ZNF577: variants seen among roughly 807,000 people sequenced by gnomAD.
ZNF577 encodes zinc finger protein 577.
A neutral mutation model predicts 13.9 loss-of-function variants in ZNF577; 14 were observed. The ratio of observed to expected loss-of-function variants is 1.00; its 90% CI spans 0.66 to 1.57. The LOEUF is 1.57. Among genes scored for constraint, ZNF577 ranks in the 40% most tolerant of loss-of-function variants. The probability of loss-of-function intolerance (pLI) is 0.00; values close to 1 mark genes in which losing one functional copy is unlikely to be tolerated. For synonymous variants in ZNF577, 203 were observed against 202.9 expected, an observed-to-expected ratio of 1.00 and a Z score of 0.00; for missense variants, 555 against 579.2, an observed-to-expected ratio of 0.96 and a Z score of 0.43.
rs369768303 is a variant in ZNF577, at chr19:51,857,365, GGAAAGAAAGAAAGAAAGAAA to G, written c.284-12454_284-12435del. On this transcript the variant is annotated intron_variant and NMD_transcript_variant, in intron 5 of 10. Transcript: ENST00000638827. ...AAGAAAGAGAGAAAGAAAGAAGGAA[GGAAAGAAAGAAAGAAAGAAA>G]GAAAGAAAGAAAGAAAGAAAGAAAG... Among the ~76,000 whole-genome samples, 254 of 93,348 alleles carry G rather than the reference GGAAAGAAAGAAAGAAAGAAA, an allele frequency of 2.7e-3. 1 individual carries two copies. The highest frequency in any genetic ancestry group is 8.4e-3 in the South Asian group (20 of 2,392). 61.2% of individuals were successfully genotyped at this position (93,348 alleles called of 152,430 possible). A position where few individuals can be genotyped will look rare whatever the true frequency, so the allele number is the denominator to read the frequency against.
intron 9 of ZNF577, chr19:51,825,008 C>A: frequency 1.7e-6 from 1 of 575,498 alleles, no homozygotes; most frequent in Non-Finnish European, 3.2e-6. Flanking sequence ...AATTAAATTC[C>A]AACACTATCT....
intron 4 of ZNF577, 63 bp from the exon 5 acceptor site, chr19:51,877,440 G>T: frequency 1.5e-6 from 2 of 1,356,314 alleles, no homozygotes; most frequent in Non-Finnish European, 2.1e-6. Context: ...AAGATGGAGA[G>T]GGTTATGTCT....
At chr19:51,808,065 T>C (rs766213827) in intron 10 of ZNF577, among the ~76,000 whole-genome samples, 2 of 152,232 alleles carry the variant, frequency 1.3e-5, no homozygotes, top group Non-Finnish European at 2.9e-5. Context: ...CCATGAGGCA[T>C]GTCTCTGCTG....
intron 5 of ZNF577, among the ~76,000 whole-genome samples, chr19:51,858,982 C>T (rs1209891360): frequency 6.6e-6 from 1 of 152,278 alleles, no homozygotes; most frequent in African/African-American, 2.4e-5. Flanking sequence ...ATACATACTA[C>T]GCAGATAGAT....
rs751232642 is a variant in ZNF577 at position 51,880,348 on chromosome 19, C to T, written c.35G>A (p.Arg12Lys). The change falls in exon 3 of 6, where the codon AGA becomes AAA. Residue 12 changes from arginine to lysine, a missense_variant. By Grantham distance (26) the Arg-to-Lys change is conservative. Transcript: ENST00000638348. ...KNATIVMSVR[R>K]EQGSSSGEGS... is the part of the protein sequence containing the mutation. ...CTCCCCTGAAGAACTGCCTTGCTCT[C>T]TCCTCACAGACATTACAATCGTGGC... 1.6e-5 allele frequency: 26 copies of T among 1,614,052 alleles called. No homozygotes were observed. In the East Asian group the frequency reaches 2.2e-4, roughly 14 times the overall value.
chr19:51,817,631 T>C (rs1030334956), intron 9 of ZNF577: 3 of 152,192 alleles, frequency 2.0e-5, no homozygotes, highest in African/African-American at 4.8e-5. Flanking sequence ...CCTCTCCCTA[T>C]AAAATCAAAC....
At chr19:51,884,427 G>A (rs1402414295) in intron 1 of ZNF577, among the ~76,000 whole-genome samples, 20 of 152,104 alleles carry the variant, frequency 1.3e-4, no homozygotes, top group Admixed American at 1.3e-3. Context: ...TATGACAGAT[G>A]AATATGAATT....
rs537008039 is a variant in ZNF577 at position 51,851,668 on chromosome 19, T to G, written c.284-6737A>C. Among the ~76,000 whole-genome samples, 6 of 152,028 alleles carry G rather than the reference T, an allele frequency of 3.9e-5. No individual in the cohort carries two copies. In the East Asian group the frequency reaches 1.2e-3, roughly 29 times the overall value. On this transcript the variant is annotated intron_variant and NMD_transcript_variant, in intron 5 of 10. Transcript: ENST00000638827. The stretch of plus-strand genomic sequence containing the variant: ...ATTTCACACAGACCCTAACACAGAC[T>G]CTTCAACTCCTCAAACCCAAAATAC...
chr19:51,845,068 A>G (rs1225201651), intron 5 of ZNF577: 2 of 152,250 alleles, frequency 1.3e-5, no homozygotes, highest in African/African-American at 2.4e-5. Context: ...TATCAGTACA[A>G]TACGTTGTTT....
rs1428056327 is a variant in ZNF577 at position 51,887,587 on chromosome 19, C to A, written c.-985G>T. On this transcript the variant is annotated 5_prime_UTR_variant, in exon 1 of 6. Coordinates refer to ENST00000638348, the MANE Select transcript of ZNF577 (RefSeq NM_001370449.1). Reference sequence around the variant, plus strand: ...TGCCCAGAGCAGTCTCCAACACTGACACGATTCGCTTCCCCACCACGACGC... The same window carrying A: ...TGCCCAGAGCAGTCTCCAACACTGAAACGATTCGCTTCCCCACCACGACGC... 6.6e-6 allele frequency: 1 copy of A among 152,168 alleles called. No homozygotes were observed. Among genetic ancestry groups the A allele is most frequent in the African/African-American group, 2.4e-5 (1 of 41,414 alleles). The allele number at this position is 152,168 out of a possible 1,614,324, so 9.4% of individuals were successfully genotyped here. A position where few individuals can be genotyped will look rare whatever the true frequency, so the allele number is the denominator to read the frequency against.
intron 5 of ZNF577, among the ~76,000 whole-genome samples, chr19:51,855,497 C>G (rs2084409855): frequency 6.6e-6 from 1 of 151,874 alleles, no homozygotes; most frequent in East Asian, 1.9e-4. Context: ...AAGTGAACTA[C>G]TGGTACCCTC....
At chr19:51,826,515 G>C (rs2084232850) in intron 9 of ZNF577, among the ~76,000 whole-genome samples, 1 of 152,056 alleles carries the variant, frequency 6.6e-6, no homozygotes, top group African/African-American at 2.4e-5. Flanking sequence ...TTCACTTTTG[G>C]TAAACTGTGA....
chr19:51,880,346 C>T lies in ZNF577; in HGVS notation c.37G>A (p.Glu13Lys). 6.2e-7 allele frequency: 1 copy of T among 1,614,174 alleles called. No individual in the cohort carries two copies. Among genetic ancestry groups the T allele is most frequent in the Non-Finnish European group, 8.5e-7 (1 of 1,180,034 alleles). ...NATIVMSVRR[E>K]QGSSSGEGSL... ...ACCTCCCCTGAAGAACTGCCTTGCTCTCTCCTCACAGACATTACAATCGTG... is the reference window on the plus strand; with the variant it reads ...ACCTCCCCTGAAGAACTGCCTTGCTTTCTCCTCACAGACATTACAATCGTG... The change falls in exon 3 of 6, where the codon GAG (glutamate) becomes AAG (lysine). Residue 13 changes from glutamate (E) to lysine (K), a missense_variant. Glu to Lys is a moderately conservative substitution (Grantham distance 56). Coordinates refer to ENST00000638348, the MANE Select transcript of ZNF577 (RefSeq NM_001370449.1).
chr19:51,818,725 T>C (rs1396488743), intron 9 of ZNF577, among the ~76,000 whole-genome samples: 1 of 152,124 alleles, frequency 6.6e-6, no homozygotes, highest in Non-Finnish European at 1.5e-5. Context: ...GGTCAGGGAA[T>C]CAAGGAGTCC....
At chr19:51,816,243 G>T (rs1486460194) in intron 9 of ZNF577, among the ~76,000 whole-genome samples, 1 of 152,056 alleles carries the variant, frequency 6.6e-6, no homozygotes, top group Non-Finnish European at 1.5e-5. Flanking sequence ...TTTTTGAGCT[G>T]TATTCTTTTC....
intron 6 of ZNF577, among the ~76,000 whole-genome samples, chr19:51,843,474 TA>T (rs1171667194): frequency 6.6e-6 from 1 of 152,224 alleles, no homozygotes; most frequent in Non-Finnish European, 1.5e-5. Context: ...TGGAATACAT[TA>T]AAAACTATCT....
chr19:51,881,034 G>A (rs1215961178), intron 1 of ZNF577, among the ~76,000 whole-genome samples, 157 bp from the exon 2 acceptor site: 2 of 152,186 alleles, frequency 1.3e-5, no homozygotes, highest in East Asian at 3.8e-4. Flanking sequence ...GTGATCCAGA[G>A]GAAGATATGG....
At chr19:51,836,829 A>C (rs1278717906) in intron 9 of ZNF577, among the ~76,000 whole-genome samples, 1 of 152,144 alleles carries the variant, frequency 6.6e-6, no homozygotes, top group Non-Finnish European at 1.5e-5. Flanking sequence ...GGATCACCTG[A>C]GGTCAGGAGT....
intron 5 of ZNF577, among the ~76,000 whole-genome samples, chr19:51,854,507 T>TTTTTA (rs1215932681): frequency 3.4e-5 from 5 of 148,746 alleles, no homozygotes; most frequent in Admixed American, 1.3e-4. Flanking sequence ...TTTTTTTTTT[T>TTTTTA]TTTTTTTTTA....
Sources: gnomAD v4.1 joint callset for allele counts (sites outside exome capture counted in the v4.1 genomes callset) on GRCh38, gnomAD v4.1.1 for gene constraint, MANE v1.5 for transcripts, NCBI Gene and HGNC (gene_info 2026-07-23, HGNC 2026-07-21) for gene names.